The following DSCAM variants were observed in gnomAD, a reference collection of about 807,000 sequenced individuals.
DSCAM encodes the protein cell adhesion molecule DSCAM.
DSCAM carries 47 observed loss-of-function variants against 217.7 expected under a neutral mutation model. The observed-to-expected ratio is 0.22, with a 90% CI of 0.17 to 0.28. The LOEUF (loss-of-function observed/expected upper bound fraction) is 0.28. DSCAM is among the 10% of genes least tolerant of loss of function. The pLI, the probability that DSCAM is intolerant of heterozygous loss-of-function variation, is 1.00. For synonymous variants in DSCAM, 1,056 were observed against 1,015.3 expected, an observed-to-expected ratio of 1.04 and a Z score of -0.76; for missense variants, 2,080 against 2,618.3, an observed-to-expected ratio of 0.79 and a Z score of 4.49.
intron 1 of DSCAM, among the ~76,000 whole-genome samples, chr21:40,826,069 G>A (rs1214274038): frequency 6.6e-6 from 1 of 152,224 alleles, no homozygotes; most frequent in Non-Finnish European, 1.5e-5. Flanking sequence ...GGGAGAGACA[G>A]ATGATAAACT....
intron 8 of DSCAM, among the ~76,000 whole-genome samples, chr21:40,331,873 T>C (rs962455114): frequency 6.6e-6 from 1 of 152,218 alleles, no homozygotes; most frequent in Non-Finnish European, 1.5e-5. Flanking sequence ...TATTTACCTG[T>C]GATTTTAACT....
chr21:40,491,049 C>A (rs757750368), intron 3 of DSCAM, among the ~76,000 whole-genome samples: 26 of 152,128 alleles, frequency 1.7e-4, no homozygotes, highest in Admixed American at 5.2e-4. Context: ...GAGTCTCTGC[C>A]CCCGTGTTTT....
At chr21:40,399,512 C>G (rs1157796261) in intron 3 of DSCAM, among the ~76,000 whole-genome samples, 3 of 152,124 alleles carry the variant, frequency 2.0e-5, no homozygotes, top group Non-Finnish European at 2.9e-5. Flanking sequence ...TTATAAAAGT[C>G]TTTATATTTC....
intron 3 of DSCAM, among the ~76,000 whole-genome samples, chr21:40,574,201 C>G (rs1352469731): frequency 6.6e-6 from 1 of 152,012 alleles, no homozygotes; most frequent in East Asian, 1.9e-4. Context: ...GAAAAATATC[C>G]CTTATGGTCC....
At chr21:40,731,910 A>G (rs1426811071) in intron 1 of DSCAM, among the ~76,000 whole-genome samples, 2 of 152,126 alleles carry the variant, frequency 1.3e-5, no homozygotes, top group Non-Finnish European at 2.9e-5. Context: ...TATTTTTAGT[A>G]GAGACAGGGT....
chr21:40,088,477 A>AT (rs1353756847), intron 21 of DSCAM, among the ~76,000 whole-genome samples: 6 of 152,130 alleles, frequency 3.9e-5, no homozygotes, highest in Non-Finnish European at 8.8e-5. Context: ...CAAATCATAC[A>AT]TTTTTGCCTC....
chr21:40,155,638 T>C (rs1319074172), intron 16 of DSCAM, among the ~76,000 whole-genome samples: 2 of 152,086 alleles, frequency 1.3e-5, no homozygotes, highest in Non-Finnish European at 2.9e-5. Context: ...GGAAGTAGTT[T>C]TGCGGGATGG....
intron 3 of DSCAM, among the ~76,000 whole-genome samples, chr21:40,400,693 A>G (rs2075225693): frequency 6.6e-6 from 1 of 152,204 alleles, no homozygotes; most frequent in African/African-American, 2.4e-5. Flanking sequence ...TTGGGATTAC[A>G]GGCATGAGCC....
At chr21:40,686,581 T>C (rs534016431) in intron 3 of DSCAM, among the ~76,000 whole-genome samples, 3 of 152,348 alleles carry the variant, frequency 2.0e-5, no homozygotes, top group Non-Finnish European at 4.4e-5. Flanking sequence ...GTCTATCTAC[T>C]TGTTTTGGTA....
intron 1 of DSCAM, among the ~76,000 whole-genome samples, chr21:40,823,242 A>G (rs66719385): frequency 0.093 from 13,912 of 150,010 alleles, 733 homozygotes; most frequent in Non-Finnish European, 0.11. Flanking sequence ...TAAGTGTGCA[A>G]GATGAGGAGA....
chr21:40,194,194 T>C (rs1269353667), intron 11 of DSCAM, among the ~76,000 whole-genome samples: 3 of 152,184 alleles, frequency 2.0e-5, no homozygotes, highest in Non-Finnish European at 4.4e-5. Context: ...CTAAAATGGG[T>C]ATTTTTGTTC....
chr21:40,353,270 C>T (rs1427982603), intron 5 of DSCAM, among the ~76,000 whole-genome samples, 195 bp downstream of exon 5: 2 of 152,186 alleles, frequency 1.3e-5, no homozygotes, highest in African/African-American at 2.4e-5. Flanking sequence ...ACAGCCAAGA[C>T]TCTCCAGTTG....
At chr21:40,667,433 T>G (rs2090216319) in intron 3 of DSCAM, among the ~76,000 whole-genome samples, 5 of 152,216 alleles carry the variant, frequency 3.3e-5, no homozygotes. Flanking sequence ...AATACTTGCA[T>G]ATTTTGTGGA....
chr21:40,199,240 T>C (rs2091046249), intron 11 of DSCAM, among the ~76,000 whole-genome samples: 1 of 152,158 alleles, frequency 6.6e-6, no homozygotes, highest in African/African-American at 2.4e-5. Flanking sequence ...GTGGTCCCTA[T>C]TCCTTACATC....
At chr21:40,157,888 C>T (rs987616802) in intron 16 of DSCAM, among the ~76,000 whole-genome samples, 1 of 151,626 alleles carries the variant, frequency 6.6e-6, no homozygotes, top group African/African-American at 2.4e-5. Flanking sequence ...GAGATGAGGT[C>T]TCACTATGTT....
chr21:40,785,711 A>C (rs1191683247), intron 1 of DSCAM, among the ~76,000 whole-genome samples: 1 of 152,136 alleles, frequency 6.6e-6, no homozygotes, highest in Non-Finnish European at 1.5e-5. Flanking sequence ...TCAGTCATTT[A>C]ATATGTATGT....
At chr21:40,090,601 C>T (rs181351891) in intron 21 of DSCAM, among the ~76,000 whole-genome samples, 2 of 152,224 alleles carry the variant, frequency 1.3e-5, no homozygotes, top group East Asian at 3.8e-4. Context: ...CACAGCCTAA[C>T]ACCCTCCTGG....
chr21:40,476,316 T>G (rs2145977745), intron 3 of DSCAM, among the ~76,000 whole-genome samples: 1 of 152,338 alleles, frequency 6.6e-6, no homozygotes, highest in Admixed American at 6.5e-5. Flanking sequence ...TGGATACGAC[T>G]TGGACCATTT....
At chr21:40,356,030 T>A (rs908391702) in intron 4 of DSCAM, among the ~76,000 whole-genome samples, 2 of 152,208 alleles carry the variant, frequency 1.3e-5, no homozygotes, top group African/African-American at 4.8e-5. Flanking sequence ...TTCCTATGCA[T>A]GTGTGTATAT....
Sources: gnomAD v4.1 joint callset for allele counts (sites outside exome capture counted in the v4.1 genomes callset) on GRCh38, gnomAD v4.1.1 for gene constraint, MANE v1.5 for transcripts, NCBI Gene and HGNC (gene_info 2026-07-23, HGNC 2026-07-21) for gene names.